The following CLIP1 variants were observed in gnomAD, a reference collection of about 807,000 sequenced individuals.
The protein encoded by CLIP1 is CAP-Gly domain containing linker protein 1.
CLIP1 carries 66 observed loss-of-function variants against 161.6 expected under a neutral mutation model. That is an observed-to-expected ratio of 0.41 (90% CI 0.33 to 0.50). The LOEUF is 0.50. Ranked by LOEUF, CLIP1 falls within the 20% of genes least tolerant of loss-of-function variation. The pLI is 0.27. For synonymous variants in CLIP1, 598 were observed against 626.2 expected, an observed-to-expected ratio of 0.96 and a Z score of 0.67; for missense variants, 1,376 against 1,702.0, an observed-to-expected ratio of 0.81 and a Z score of 3.37.
intron 10 of CLIP1, among the ~76,000 whole-genome samples, chr12:122,345,937 C>T (rs1952726733): frequency 6.6e-6 from 1 of 152,088 alleles, no homozygotes; most frequent in Admixed American, 6.5e-5. Flanking sequence ...AGGCATGTGT[C>T]ACCACGCCCG....
At position 122,309,921 on chromosome 12, in the gene CLIP1, G is replaced by C. The variant is rs753305604; in HGVS notation, c.3474-39C>G. 46 of 1,609,630 alleles carry C rather than the reference G, an allele frequency of 2.9e-5. No homozygotes were observed. In the Admixed American group the frequency reaches 5.4e-4, roughly 19 times the overall value. ...GAGTGCAGGGTTACCATAGAAACAA[G>C]ACAGGCAAGGAAACTGTGGGAGACA... is the stretch of plus-strand genomic sequence containing the variant. On this transcript the variant is annotated intron_variant, in intron 19 of 25. Coordinates refer to ENST00000620786, the MANE Select transcript of CLIP1 (RefSeq NM_001247997.2).
rs1170957626 is a variant in CLIP1 at position 122,311,201 on chromosome 12, T to C, written c.3474-1319A>G. On this transcript the variant is annotated intron_variant, in intron 19 of 25. Transcript: ENST00000620786. This position sits in a 1 kb window ranked among gnomAD's most constrained non-coding sequence, Gnocchi z 4.3. Reference sequence around the variant, plus strand: ...TTTGACAAATCAAATTTCCTTATGGTAAAATTACCATAAGCTAAACATATT... The same window carrying C: ...TTTGACAAATCAAATTTCCTTATGGCAAAATTACCATAAGCTAAACATATT... Among the ~76,000 whole-genome samples, 1 of 152,066 alleles carries C rather than the reference T, an allele frequency of 6.6e-6. No individual in the cohort carries two copies. The highest frequency in any genetic ancestry group is 1.5e-5 in the Non-Finnish European group (1 of 68,014).
At chr12:122,410,187 A>T (rs930373592) in intron 1 of CLIP1, among the ~76,000 whole-genome samples, 1 of 151,798 alleles carries the variant, frequency 6.6e-6, no homozygotes. Flanking sequence ...TCTTGCTCTT[A>T]ATCTGCAATC....
intron 24 of CLIP1, among the ~76,000 whole-genome samples, chr12:122,276,156 A>G (rs1047714205): frequency 1.3e-5 from 2 of 152,224 alleles, no homozygotes; most frequent in African/African-American, 2.4e-5. Context: ...TACTTTTTAA[A>G]GAAATATTTG....
At chr12:122,340,303 C>A (rs1440515069) in intron 11 of CLIP1, among the ~76,000 whole-genome samples, 1 of 152,166 alleles carries the variant, frequency 6.6e-6, no homozygotes, top group Non-Finnish European at 1.5e-5. Context: ...TGATCTCGAA[C>A]TCCTGACCTC....
intron 5 of CLIP1, among the ~76,000 whole-genome samples, chr12:122,357,211 G>A (rs1415531467): frequency 6.6e-6 from 1 of 150,842 alleles, no homozygotes; most frequent in East Asian, 2.0e-4. Context: ...CTGCCCGGCC[G>A]CCCATCGTCT....
intron 2 of CLIP1, among the ~76,000 whole-genome samples, chr12:122,378,746 C>A (rs1245994072): frequency 6.6e-6 from 1 of 152,064 alleles, no homozygotes; most frequent in African/African-American, 2.4e-5. Context: ...TGTAATCCCA[C>A]TTCTTTGAGA....
At chr12:122,310,474 T>C (rs1191725731) in intron 19 of CLIP1, among the ~76,000 whole-genome samples, 3 of 152,212 alleles carry the variant, frequency 2.0e-5, no homozygotes, top group Non-Finnish European at 2.9e-5. Context: ...TTTTATTTTA[T>C]AGTAGTCTTT....
At chr12:122,407,141 T>A (rs1384155474) in intron 1 of CLIP1, among the ~76,000 whole-genome samples, 2 of 152,146 alleles carry the variant, frequency 1.3e-5, no homozygotes, top group Non-Finnish European at 2.9e-5. Context: ...AGCAGTCAAT[T>A]ATACTAACGT....
intron 24 of CLIP1, chr12:122,274,544 T>TC (rs1254839874): frequency 4.6e-5 from 7 of 150,958 alleles, no homozygotes; most frequent in Admixed American, 2.6e-4. Flanking sequence ...TTGTTTTGTT[T>TC]TTTTTTTTTT....
At chr12:122,365,415 A>C in intron 3 of CLIP1, 3 of 797,710 alleles carry the variant, frequency 3.8e-6, no homozygotes, top group Admixed American at 3.4e-5. Context: ...GCCAAGAGAA[A>C]TAATGTGCGT....
At chr12:122,410,458 CTTT>C (rs34639257) in intron 1 of CLIP1, among the ~76,000 whole-genome samples, 7 of 119,474 alleles carry the variant, frequency 5.9e-5, no homozygotes, top group South Asian at 2.6e-4. Flanking sequence ...CACACACACA[CTTT>C]TTTTTTTTTT....
chr12:122,357,409 C>T (rs947025380), intron 5 of CLIP1, among the ~76,000 whole-genome samples: 1 of 151,150 alleles, frequency 6.6e-6, no homozygotes, highest in African/African-American at 2.4e-5. Flanking sequence ...CGGCAGCCGC[C>T]CTGTCTGAGA....
At chr12:122,294,561 G>A (rs879563764) in intron 20 of CLIP1, among the ~76,000 whole-genome samples, 3 of 151,630 alleles carry the variant, frequency 2.0e-5, no homozygotes, top group Non-Finnish European at 4.4e-5. Flanking sequence ...CCAGGAGTTC[G>A]AGACCAGCCT....
intron 20 of CLIP1, among the ~76,000 whole-genome samples, chr12:122,297,489 T>C (rs1361957673): frequency 6.6e-6 from 1 of 152,198 alleles, no homozygotes; most frequent in Non-Finnish European, 1.5e-5. Flanking sequence ...GGGTATGAGT[T>C]AGTAGTGGTA....
intron 21 of CLIP1, 104 bp downstream of exon 21, chr12:122,288,385 T>A (rs997155807): frequency 1.0e-6 from 1 of 992,930 alleles, no homozygotes; most frequent in Non-Finnish European, 1.5e-6. Flanking sequence ...TGCCATTTTC[T>A]GAATCTAAGA....
At chr12:122,365,484 A>G (rs1954097207) in intron 3 of CLIP1, 2 of 794,152 alleles carry the variant, frequency 2.5e-6, no homozygotes, top group Non-Finnish European at 2.3e-6. Flanking sequence ...GTGAAGGAAA[A>G]TGATCAGAAA....
chr12:122,398,808 AGT>A (rs1438469298), intron 1 of CLIP1, among the ~76,000 whole-genome samples: 1 of 152,048 alleles, frequency 6.6e-6, no homozygotes, highest in Non-Finnish European at 1.5e-5. Context: ...CAGGAGATTG[AGT>A]CCAGCCTAGG....
intron 1 of CLIP1, among the ~76,000 whole-genome samples, chr12:122,397,928 C>T (rs1955986608): frequency 6.6e-6 from 1 of 150,930 alleles, no homozygotes. Flanking sequence ...GCACTCCAGC[C>T]TGGGCAACAG....
Sources: allele counts gnomAD v4.1 joint callset (sites outside exome capture counted in the v4.1 genomes callset), GRCh38; gene constraint gnomAD v4.1.1; non-coding constraint Gnocchi (gnomAD v3.1); transcripts MANE v1.5; gene names NCBI Gene and HGNC (gene_info 2026-07-23, HGNC 2026-07-21).